Variants in CNTNAP2 observed in about 807,000 individuals in gnomAD.
CNTNAP2 encodes the protein contactin associated protein 2.
A neutral mutation model predicts 155.2 loss-of-function variants in CNTNAP2; 98 were observed. The ratio of observed to expected loss-of-function variants is 0.63; its 90% CI spans 0.54 to 0.75. The LOEUF is 0.75. CNTNAP2 is among the 30% of genes least tolerant of loss of function. The probability of loss-of-function intolerance (pLI) is 0.00; values close to 1 mark genes in which losing one functional copy is unlikely to be tolerated. For missense variants in CNTNAP2, 1,727 were observed against 1,688.1 expected, an observed-to-expected ratio of 1.02 and a Z score of -0.40; for synonymous variants, 651 against 631.2, an observed-to-expected ratio of 1.03 and a Z score of -0.47.
intron 1 of CNTNAP2, among the ~76,000 whole-genome samples, chr7:146,344,208 A>G (rs1463276445): frequency 6.6e-6 from 1 of 152,170 alleles, no homozygotes; most frequent in Non-Finnish European, 1.5e-5. Flanking sequence ...CCAAATCAGC[A>G]TAGCCAGAGA....
intron 14 of CNTNAP2, among the ~76,000 whole-genome samples, chr7:147,919,345 G>A (rs190545518): frequency 1.8e-3 from 265 of 151,122 alleles, no homozygotes; most frequent in African/African-American, 5.9e-3. Flanking sequence ...GCAGTGGCGC[G>A]ATCACAACTC....
At chr7:147,479,184 G>A (rs1287946813) in intron 10 of CNTNAP2, among the ~76,000 whole-genome samples, 1 of 152,132 alleles carries the variant, frequency 6.6e-6, no homozygotes, top group Non-Finnish European at 1.5e-5. Flanking sequence ...CCTCCTTCCA[G>A]GCTACTCAAG....
intron 23 of CNTNAP2, among the ~76,000 whole-genome samples, chr7:148,412,562 C>T (rs75626260): frequency 0.017 from 2,533 of 152,286 alleles, 66 homozygotes; most frequent in African/African-American, 0.058. Flanking sequence ...CCTTCTGTGA[C>T]CTTGCTAAAT....
intron 12 of CNTNAP2, among the ~76,000 whole-genome samples, chr7:147,601,474 G>C (rs1800942359): frequency 2.6e-5 from 4 of 151,948 alleles, no homozygotes; most frequent in Non-Finnish European, 5.9e-5. Context: ...AATGTCATCA[G>C]TTAAGGAATG....
chr7:146,189,066 G>C (rs1798665835), intron 1 of CNTNAP2, among the ~76,000 whole-genome samples: 1 of 152,058 alleles, frequency 6.6e-6, no homozygotes, highest in Admixed American at 6.6e-5. Flanking sequence ...ACAATACTCA[G>C]AAACACAGAT....
chr7:146,978,095 T>C (rs1797947716), intron 3 of CNTNAP2, among the ~76,000 whole-genome samples: 2 of 152,232 alleles, frequency 1.3e-5, no homozygotes, highest in African/African-American at 4.8e-5. Context: ...TAGCTGTGGA[T>C]AGGAGCCCTT....
At chr7:147,692,637 T>C (rs1350333672) in intron 13 of CNTNAP2, among the ~76,000 whole-genome samples, 1 of 152,150 alleles carries the variant, frequency 6.6e-6, no homozygotes, top group Non-Finnish European at 1.5e-5. Flanking sequence ...ATCTGCCATC[T>C]GTATATCTTC....
At chr7:147,537,058 C>T (rs1216420567) in intron 11 of CNTNAP2, among the ~76,000 whole-genome samples, 1 of 152,120 alleles carries the variant, frequency 6.6e-6, no homozygotes, top group Non-Finnish European at 1.5e-5. Context: ...ACACCCAGAC[C>T]ACAGTGATAC....
intron 13 of CNTNAP2, among the ~76,000 whole-genome samples, chr7:147,792,084 C>T (rs982252059): frequency 6.6e-6 from 1 of 152,222 alleles, no homozygotes; most frequent in Non-Finnish European, 1.5e-5. Context: ...ATGTGGTCCT[C>T]TCTCTGTGCC....
intron 9 of CNTNAP2, among the ~76,000 whole-genome samples, chr7:147,308,504 A>G (rs1412062337): frequency 2.0e-5 from 3 of 152,176 alleles, no homozygotes; most frequent in Non-Finnish European, 4.4e-5. Context: ...GGACTTGCAG[A>G]CAGGTGAGAT....
chr7:148,097,753 C>A (rs1259375682), intron 15 of CNTNAP2, among the ~76,000 whole-genome samples: 1 of 152,162 alleles, frequency 6.6e-6, no homozygotes, highest in African/African-American at 2.4e-5. Flanking sequence ...AGTGCATAAC[C>A]CACAGCTCTC....
intron 8 of CNTNAP2, among the ~76,000 whole-genome samples, chr7:147,245,761 C>CAAAA (rs34304342): frequency 0.076 from 6,403 of 84,762 alleles, 392 homozygotes; most frequent in Non-Finnish European, 0.094. Flanking sequence ...GACTCTGTCT[C>CAAAA]AAAAAAAAAA....
At chr7:146,400,102 C>T (rs1382213785) in intron 1 of CNTNAP2, among the ~76,000 whole-genome samples, 1 of 151,966 alleles carries the variant, frequency 6.6e-6, no homozygotes. Flanking sequence ...CTGAGGCAAA[C>T]CTCCCTCCCT....
rs191133772 is a variant in CNTNAP2 at position 146,547,025 on chromosome 7, G to A, written c.98-227246G>A. On this transcript the variant is annotated intron_variant, in intron 1 of 23. Transcript: ENST00000361727. ...AGAGAGGGAGACAGGCAGGGGAGTC[G>A]TTTAGGTCGTAAGCACTTAGTGTGA... Among the ~76,000 whole-genome samples the A allele has an allele frequency of 1.3e-4, 19 of 151,964 alleles. No homozygotes were observed. The East Asian group carries it at 2.1e-3, about 17-fold the overall frequency.
At chr7:147,020,731 T>G (rs984713475) in intron 3 of CNTNAP2, among the ~76,000 whole-genome samples, 1 of 152,180 alleles carries the variant, frequency 6.6e-6, no homozygotes, top group African/African-American at 2.4e-5. Context: ...AATATTGCCT[T>G]TAAAAATACT....
chr7:147,005,482 T>G lies in CNTNAP2; in HGVS notation c.403-38425T>G, dbSNP rs550875440. 2.0e-5 allele frequency among the ~76,000 whole-genome samples: 3 copies of G among 152,178 alleles called. No individual in the cohort carries two copies. The South Asian group carries it at 6.2e-4, about 32-fold the overall frequency. On this transcript the variant is annotated intron_variant, in intron 3 of 23. Transcript: ENST00000361727. ...AAGAACATAAAAGCAAAAAGAAGTT[T>G]ATTAACTTGTATACCTCATTTACAT...
rs184680444 is a variant in CNTNAP2, at chr7:147,421,733, T to C, written c.1670+25953T>C. On this transcript the variant is annotated intron_variant, in intron 10 of 23. Coordinates refer to ENST00000361727, the MANE Select transcript of CNTNAP2 (RefSeq NM_014141.6). The stretch of plus-strand genomic sequence containing the variant: ...ATCAATGGGGCCTGGTAGGAGGTGT[T>C]TGGGTCACGGGGGTGGATCCCTTGT... 3.7e-3 allele frequency among the ~76,000 whole-genome samples: 563 copies of C among 152,180 alleles called. 3 individuals carry two copies. Among genetic ancestry groups the C allele is most frequent in the African/African-American group, 0.013 (523 of 41,522 alleles).
chr7:147,841,848 G>T (rs916659307), intron 13 of CNTNAP2, among the ~76,000 whole-genome samples: 2 of 152,066 alleles, frequency 1.3e-5, no homozygotes, highest in African/African-American at 4.8e-5. Flanking sequence ...AACAATATAA[G>T]AAAAATGAAA....
chr7:147,454,097 T>C (rs931123354), intron 10 of CNTNAP2, among the ~76,000 whole-genome samples: 2 of 152,306 alleles, frequency 1.3e-5, no homozygotes, highest in East Asian at 3.9e-4. Context: ...TTGTGAATTT[T>C]TGGTGTGTTC....
Sources: allele counts gnomAD v4.1 joint callset (sites outside exome capture counted in the v4.1 genomes callset), GRCh38; gene constraint gnomAD v4.1.1; transcripts MANE v1.5; gene names NCBI Gene and HGNC (gene_info 2026-07-23, HGNC 2026-07-21).